Variants in ZNF692 observed in about 807,000 individuals in gnomAD.
The protein encoded by ZNF692 is AICAR responsive element binding protein.
ZNF692 carries 41 observed loss-of-function variants against 49.0 expected under a neutral mutation model. That is an observed-to-expected ratio of 0.84 (90% CI 0.65 to 1.08). ZNF692 has a LOEUF of 1.08. Ranked by LOEUF, ZNF692 falls within the 50% of genes least tolerant of loss-of-function variation. The pLI, the probability that ZNF692 is intolerant of heterozygous loss-of-function variation, is 0.00. For missense variants in ZNF692, 662 were observed against 662.2 expected, an observed-to-expected ratio of 1.00 and a Z score of 0.00; for synonymous variants, 288 against 251.5, an observed-to-expected ratio of 1.15 and a Z score of -1.37.
In ZNF692 at chr1:248,854,044, T is replaced by C. The variant is rs957318387; in HGVS notation, c.1046A>G (p.Lys349Arg). 1 of 1,613,932 alleles carries C rather than the reference T, an allele frequency of 6.2e-7. No individual in the cohort carries two copies. Among genetic ancestry groups the C allele is most frequent in the South Asian group, 1.1e-5 (1 of 91,086 alleles). Reference protein sequence around the residue: ...FSNRQYLNHHKKYQHIHQKSF... With the variant: ...FSNRQYLNHHRKYQHIHQKSF... ...CTTCTGGTGGATGTGCTGGTACTTT[T>C]TGTGGTGCTAGAGAAGGAAGTGGGT... Residue 349 changes from lysine (K) to arginine (R), a missense_variant, in exon 10 of 12, where the codon AAA becomes AGA. Lys to Arg is a conservative substitution (Grantham distance 26). Transcript: ENST00000306601.
At position 248,856,495 on chromosome 1, in the gene ZNF692, C is replaced by G; in HGVS notation, c.524+19G>C. 1 of 1,614,238 alleles carries G rather than the reference C, an allele frequency of 6.2e-7. No individual in the cohort carries two copies. On this transcript the variant is annotated intron_variant, in intron 5 of 11. Coordinates refer to ENST00000306601, the MANE Select transcript of ZNF692 (RefSeq NM_017865.4). ...CCACCTATGCAATTCCGCCTTTTCT[C>G]TCCTATCCACATCCTCACCTGGGCA... is the stretch of plus-strand genomic sequence containing the variant.
At position 248,857,390 on chromosome 1, in the gene ZNF692, C is replaced by T; in HGVS notation, c.319G>A (p.Asp107Asn). ...VPGLRGPGGQ[D>N]GGLVWECSAG... ...GAGCACTCCCACACAAGCCCCCCATCTTGGCCGCCAGGCCCCCGAAGCCCG... is the reference window on the plus strand; with the variant it reads ...GAGCACTCCCACACAAGCCCCCCATTTTGGCCGCCAGGCCCCCGAAGCCCG... The change falls in exon 4 of 12, where the codon GAT (aspartate) becomes AAT (asparagine). Residue 107 changes from aspartate (D) to asparagine (N), a missense_variant. Asp to Asn is a conservative substitution (Grantham distance 23). Coordinates refer to ENST00000306601, the MANE Select transcript of ZNF692 (RefSeq NM_017865.4). 6.2e-7 allele frequency: 1 copy of T among 1,614,192 alleles called. No individual in the cohort carries two copies. The highest frequency in any genetic ancestry group is 8.5e-7 in the Non-Finnish European group (1 of 1,180,030).
At chr1:248,851,091 T>A in intron 10 of ZNF692, 1 of 530,472 alleles carries the variant, frequency 1.9e-6, no homozygotes, top group South Asian at 1.6e-5. Flanking sequence ...TCTAGGCTGG[T>A]TCTTTCTCAA....
At chr1:248,852,215 C>T (rs895289278) in intron 10 of ZNF692, among the ~76,000 whole-genome samples, 8 of 152,188 alleles carry the variant, frequency 5.3e-5, no homozygotes, top group Non-Finnish European at 1.2e-4. Flanking sequence ...ATACAGAAGA[C>T]ATTTCACACC....
rs1000855712 is a variant in ZNF692, at chr1:248,858,883, G to A, written c.-13+35C>T. 17 of 341,170 alleles carry A rather than the reference G, an allele frequency of 5.0e-5. 1 individual carries two copies. In the Admixed American group the frequency reaches 6.5e-4, roughly 13 times the overall value. The allele number at this position is 341,170 out of a possible 1,614,324, so 21.1% of individuals were successfully genotyped here. A position where few individuals can be genotyped will look rare whatever the true frequency, so the allele number is the denominator to read the frequency against. ...AATGGCAGTTCCCAGGCTGCCCAGA[G>A]CCCCCGTCGCGACCCACCCCCACCC... On this transcript the variant is annotated intron_variant, in intron 1 of 11. Coordinates refer to ENST00000306601, the MANE Select transcript of ZNF692 (RefSeq NM_017865.4). This position sits in a 1 kb window ranked among gnomAD's most constrained non-coding sequence, Gnocchi z 4.3.
chr1:248,858,173 C>T lies in ZNF692; in HGVS notation c.137G>A (p.Gly46Asp). 1 of 1,576,234 alleles carries T rather than the reference C, an allele frequency of 6.3e-7. No individual in the cohort carries two copies. Among genetic ancestry groups the T allele is most frequent in the Non-Finnish European group, 8.6e-7 (1 of 1,161,776 alleles). The stretch of plus-strand genomic sequence containing the variant: ...GGCGAGCTGCGAGTGCAGGGAGAAG[C>T]CCAGCCGCTCCTTGAGGAGGCACCA... ...EQWCLLKERL[G>D]FSLHSQLAKF... Residue 46 changes from glycine to aspartate, a missense_variant, in exon 2 of 12, where the codon GGC becomes GAC. By Grantham distance (94) the Gly-to-Asp change is moderately conservative (BLOSUM62 -1). Coordinates refer to ENST00000306601, the MANE Select transcript of ZNF692 (RefSeq NM_017865.4). The surrounding 1 kb of genome is among the most constrained non-coding windows in gnomAD (Gnocchi z 4.3).
chr1:248,857,957 T>C, intron 2 of ZNF692, 98 bp from the exon 3 acceptor site: 1 of 1,566,220 alleles, frequency 6.4e-7, no homozygotes, highest in Non-Finnish European at 8.6e-7. Context: ...AGGGCCGCTA[T>C]TCGCTGAGAC....
intron 6 of ZNF692, 35 bp downstream of exon 6, chr1:248,856,253 C>T (rs1354859800): frequency 4.5e-6 from 7 of 1,552,042 alleles, no homozygotes; most frequent in Admixed American, 1.9e-5. Flanking sequence ...GCCTCCCTCT[C>T]TTGCTCTGCT....
In ZNF692 at chr1:248,859,066, G is replaced by C. The variant is rs1040342585; in HGVS notation, c.-161C>G. On this transcript the variant is annotated 5_prime_UTR_variant, in exon 1 of 12. Coordinates refer to ENST00000306601, the MANE Select transcript of ZNF692 (RefSeq NM_017865.4). ...AGAAGAAACGGTGCCTCTCGGCGTC[G>C]GCTGCTGTAGCCCGGAACTGAGGCC... 6.5e-6 allele frequency: 1 copy of C among 153,762 alleles called. No individual in the cohort carries two copies. The highest frequency in any genetic ancestry group is 1.9e-4 in the East Asian group (1 of 5,196). 9.5% of individuals were successfully genotyped at this position (153,762 alleles called of 1,614,324 possible). A position where few individuals can be genotyped will look rare whatever the true frequency, so the allele number is the denominator to read the frequency against.
chr1:248,858,942 C>G lies in ZNF692; in HGVS notation c.-37G>C, dbSNP rs1645087699. The G allele has an allele frequency of 4.7e-6, 1 of 210,890 alleles. No individual in the cohort carries two copies. The highest frequency in any genetic ancestry group is 9.8e-6 in the Non-Finnish European group (1 of 102,264). The allele number at this position is 210,890 out of a possible 1,614,324, so 13.1% of individuals were successfully genotyped here. A position where few individuals can be genotyped will look rare whatever the true frequency, so the allele number is the denominator to read the frequency against. ...CCTGTGCGCCCCCACGCGCCCTCAC[C>G]CCCACTGCGCCTGCGCCTGCGCCTC... On this transcript the variant is annotated 5_prime_UTR_variant, in exon 1 of 12. Coordinates refer to ENST00000306601, the MANE Select transcript of ZNF692 (RefSeq NM_017865.4). This position sits in a 1 kb window ranked among gnomAD's most constrained non-coding sequence, Gnocchi z 4.3.
Position 248,850,306 on chromosome 1 carries a change from G to A in ZNF692, c.1464C>T (p.Pro488=), listed in dbSNP as rs572241506. The A allele has an allele frequency of 6.2e-7, 1 of 1,613,116 alleles. No homozygotes were observed. The highest frequency in any genetic ancestry group is 1.3e-5 in the African/African-American group (1 of 74,934). The change falls in exon 12 of 12, where the codon CCC becomes CCT. Residue 488 remains proline (P), a synonymous_variant. Transcript: ENST00000306601. Reference sequence around the variant, plus strand: ...GCCCAGGGGCAGAGATGCTGGGACAGGGCTCTAGGGGACCACTGGGTGACT... The same window carrying A: ...GCCCAGGGGCAGAGATGCTGGGACAAGGCTCTAGGGGACCACTGGGTGACT... ...PQESPSGPLE[P]CPSISAPGPL... is the part of the protein sequence containing the mutation.
chr1:248,856,649 G>A, intron 4 of ZNF692, 87 bp from the exon 5 acceptor site: 1 of 1,523,302 alleles, frequency 6.6e-7, no homozygotes, highest in Non-Finnish European at 9.0e-7. Flanking sequence ...AGTGATGGGA[G>A]ACTCCTCTTT....
intron 10 of ZNF692, among the ~76,000 whole-genome samples, chr1:248,853,546 AG>A (rs1324176835): frequency 6.6e-6 from 1 of 152,190 alleles, no homozygotes; most frequent in African/African-American, 2.4e-5. Context: ...TGTAAGGTAC[AG>A]GTTTCCATTC....
intron 10 of ZNF692, among the ~76,000 whole-genome samples, chr1:248,852,395 G>A (rs189963410): frequency 7.9e-5 from 12 of 152,004 alleles, no homozygotes; most frequent in Admixed American, 2.6e-4. Flanking sequence ...CTGTTCCCCC[G>A]GCAGCCCTCC....
In ZNF692 at chr1:248,857,989, C is replaced by G. The variant is rs769969550; in HGVS notation, c.180-130G>C. ...AGACCATGAGGAGGGGAGCAGGACCCTCGGAGGCCACAAGTCACACAGGCC... is the reference window on the plus strand; with the variant it reads ...AGACCATGAGGAGGGGAGCAGGACCGTCGGAGGCCACAAGTCACACAGGCC... On this transcript the variant is annotated intron_variant, in intron 2 of 11. Transcript: ENST00000306601. 1.9e-6 allele frequency: 3 copies of G among 1,549,298 alleles called. No individual in the cohort carries two copies. In the South Asian group the frequency reaches 3.5e-5, roughly 18 times the overall value.
In ZNF692 at chr1:248,858,667, G is replaced by T; in HGVS notation, c.-13+251C>A. The T allele has an allele frequency of 1.0e-6, 1 of 992,758 alleles. No individual in the cohort carries two copies. The highest frequency in any genetic ancestry group is 1.6e-6 in the Non-Finnish European group (1 of 643,678). The allele number at this position is 992,758 out of a possible 1,614,324, so 61.5% of individuals were successfully genotyped here. ...GGGGGCGGTCCACACATTTCATCTT[G>T]AATAGGGCAGCGGCCTTTACTGGTT... is the stretch of plus-strand genomic sequence containing the variant. On this transcript the variant is annotated intron_variant, in intron 1 of 11. Coordinates refer to ENST00000306601, the MANE Select transcript of ZNF692 (RefSeq NM_017865.4). The surrounding 1 kb of genome is among the most constrained non-coding windows in gnomAD (Gnocchi z 4.3).
Position 248,858,111 on chromosome 1 carries a change from C to A in ZNF692, c.179+20G>T, listed in dbSNP as rs780613491. The A allele has an allele frequency of 6.4e-7, 1 of 1,557,992 alleles. No homozygotes were observed. Among genetic ancestry groups the A allele is most frequent in the South Asian group, 1.2e-5 (1 of 86,874 alleles). On this transcript the variant is annotated intron_variant, in intron 2 of 11. Coordinates refer to ENST00000306601, the MANE Select transcript of ZNF692 (RefSeq NM_017865.4). This position sits in a 1 kb window ranked among gnomAD's most constrained non-coding sequence, Gnocchi z 4.3. ...TGCTGCCTGGGTACCCTCCCCCAAG[C>A]CCTTCTCCCGGCCCCTAACCGGTCC...
Position 248,856,523 on chromosome 1 carries a change from C to G in ZNF692, c.515G>C (p.Arg172Thr), listed in dbSNP as rs1277928068. The G allele has an allele frequency of 1.9e-6, 3 of 1,614,246 alleles. No homozygotes were observed. The highest frequency in any genetic ancestry group is 3.3e-5 in the Admixed American group (2 of 60,030). Residue 172 changes from arginine to threonine, a missense_variant, in exon 5 of 12, where the codon AGG becomes ACG. Coordinates refer to ENST00000306601, the MANE Select transcript of ZNF692 (RefSeq NM_017865.4). ...CTATCCACATCCTCACCTGGGCAAC[C>G]TGGCCTCTTGAGTCCTCTCATCATG... ...SEHDERTQEARLPRRVGPPPE... is the reference protein window; with the variant it reads ...SEHDERTQEATLPRRVGPPPE...
rs1229597361 is a variant in ZNF692, at chr1:248,858,084, G to T, written c.179+47C>A. ...ACAGGCCCTGGAGAGGAGGCTAGGG[G>T]CTGCTGCCTGGGTACCCTCCCCCAA... On this transcript the variant is annotated intron_variant, in intron 2 of 11. Coordinates refer to ENST00000306601, the MANE Select transcript of ZNF692 (RefSeq NM_017865.4). This position sits in a 1 kb window ranked among gnomAD's most constrained non-coding sequence, Gnocchi z 4.3. 6.5e-7 allele frequency: 1 copy of T among 1,549,494 alleles called. No individual in the cohort carries two copies. Among genetic ancestry groups the T allele is most frequent in the East Asian group, 2.3e-5 (1 of 43,668 alleles).
Sources: gnomAD v4.1 joint callset for allele counts (sites outside exome capture counted in the v4.1 genomes callset) on GRCh38, gnomAD v4.1.1 for gene constraint, Gnocchi (gnomAD v3.1) non-coding constraint, MANE v1.5 for transcripts, NCBI Gene and HGNC (gene_info 2026-07-23, HGNC 2026-07-21) for gene names.